Variants in NSUN4 observed in about 807,000 individuals in gnomAD.
NSUN4 encodes 5-cytosine rRNA methyltransferase NSUN4.
A neutral mutation model predicts 43.8 loss-of-function variants in NSUN4; 31 were observed. The observed-to-expected ratio is 0.71, with a 90% CI of 0.53 to 0.96. The LOEUF (loss-of-function observed/expected upper bound fraction) is 0.96. Ranked by LOEUF, NSUN4 falls within the 40% of genes least tolerant of loss-of-function variation. The probability of loss-of-function intolerance (pLI) is 0.00; values close to 1 mark genes in which losing one functional copy is unlikely to be tolerated. For synonymous variants in NSUN4, 167 were observed against 184.1 expected, an observed-to-expected ratio of 0.91 and a Z score of 0.75; for missense variants, 439 against 475.6, an observed-to-expected ratio of 0.92 and a Z score of 0.72.
chr1:46,370,542 GTCTTTT>G, the NSUN4 span: 1 of 114,758 alleles, frequency 8.7e-6, no homozygotes, highest in African/African-American at 3.6e-5. Context: ...CAGAGGTGCT[GTCTTTT>G]TTTTTTTTTT....
chr1:46,378,656 A>G, the NSUN4 span, among the ~76,000 whole-genome samples: 1 of 152,240 alleles, frequency 6.6e-6, no homozygotes, highest in Non-Finnish European at 1.5e-5. Context: ...TTTGTAATGA[A>G]CCAACCTTCA....
At chr1:46,348,190 A>G (rs1662664537) in intron 3 of NSUN4, among the ~76,000 whole-genome samples, 1 of 152,020 alleles carries the variant, frequency 6.6e-6, no homozygotes, top group Non-Finnish European at 1.5e-5. Flanking sequence ...CCTTGTGTCA[A>G]GTACTCACTT....
downstream of NSUN4, among the ~76,000 whole-genome samples, chr1:46,370,001 C>G (rs1474615904): frequency 1.3e-5 from 2 of 152,186 alleles, no homozygotes; most frequent in Non-Finnish European, 2.9e-5. Flanking sequence ...CTTAAGTTTA[C>G]TCAGCCTTAT....
rs756789890 is a variant in NSUN4 at position 46,360,757 on chromosome 1, GAAC to G, written c.812_814del (p.Asn271del). On this transcript the variant is annotated inframe_deletion, in exon 5 of 6. Transcript: ENST00000474844. ...ACCGCCACTCCCTTCATGAGGAGGA[GAAC>G]AACATCTTTAAGCGGTCAAGGAAGA... is the stretch of plus-strand genomic sequence containing the variant. 7.4e-5 allele frequency: 119 copies of G among 1,613,950 alleles called. No individual in the cohort carries two copies. The highest frequency in any genetic ancestry group is 1.1e-5 in the South Asian group (1 of 91,086).
At chr1:46,353,110 C>G in intron 4 of NSUN4, 82 bp downstream of exon 4, 1 of 1,319,872 alleles carries the variant, frequency 7.6e-7, no homozygotes, top group Non-Finnish European at 1.1e-6. Context: ...GGGTTAGGAT[C>G]CAGCCCCTAT....
In NSUN4 at chr1:46,362,956, G is replaced by C. The variant is rs1252420698; in HGVS notation, c.*1110G>C. On this transcript the variant is annotated 3_prime_UTR_variant, in exon 6 of 6. Transcript: ENST00000474844. ...TGGCAGGGATATAAAAAATTGCTCA[G>C]GGTCACTTGCAGATATTTTATTTTT... The C allele has an allele frequency of 6.6e-6, 1 of 151,832 alleles. No individual in the cohort carries two copies. Among genetic ancestry groups the C allele is most frequent in the Non-Finnish European group, 1.5e-5 (1 of 67,992 alleles). 9.4% of individuals were successfully genotyped at this position (151,832 alleles called of 1,614,324 possible).
rs1479083606 is a variant in NSUN4, at chr1:46,346,932, T to C, written c.449T>C (p.Leu150Pro). 3.7e-6 allele frequency: 6 copies of C among 1,613,364 alleles called. No individual in the cohort carries two copies. The African/African-American group carries it at 8.0e-5, about 22-fold the overall frequency. The change falls in exon 3 of 6, where the codon CTG becomes CCG. Residue 150 changes from leucine to proline, a missense_variant. Physicochemically the swap from Leu to Pro is moderately conservative, Grantham distance 98. Coordinates refer to ENST00000474844, the MANE Select transcript of NSUN4 (RefSeq NM_199044.4). ...CTCCTCTTTTCCAGACCTGGCAGCC[T>C]GGGTGTCATGGAGTACTACCTGATG... ...SRFPPARPGSLGVMEYYLMDA... is the reference protein window; with the variant it reads ...SRFPPARPGSPGVMEYYLMDA...
chr1:46,370,753 G>C, the NSUN4 span: 1 of 152,224 alleles, frequency 6.6e-6, no homozygotes, highest in Non-Finnish European at 1.5e-5. Flanking sequence ...ATGGGAATGA[G>C]TTTAAGCATT....
the NSUN4 span, among the ~76,000 whole-genome samples, chr1:46,378,441 C>T: frequency 6.6e-6 from 1 of 152,138 alleles, no homozygotes; most frequent in Non-Finnish European, 1.5e-5. Flanking sequence ...AAGTGATCCT[C>T]CCGCCTTGGC....
At chr1:46,341,746 C>T in intron 1 of NSUN4, 1 of 1,231,704 alleles carries the variant, frequency 8.1e-7, no homozygotes, top group African/African-American at 1.5e-5. Flanking sequence ...CACTCGGGTT[C>T]CCCACTCTCC....
chr1:46,356,226 A>G (rs1663357340), intron 4 of NSUN4, among the ~76,000 whole-genome samples: 1 of 152,040 alleles, frequency 6.6e-6, no homozygotes, highest in Non-Finnish European at 1.5e-5. Flanking sequence ...CATGTGCACC[A>G]TGCCTGGCTA....
At chr1:46,359,373 A>G (rs1663636096) in intron 4 of NSUN4, among the ~76,000 whole-genome samples, 1 of 151,716 alleles carries the variant, frequency 6.6e-6, no homozygotes, top group South Asian at 2.1e-4. Flanking sequence ...TGTGTCCTGT[A>G]GTAAGCTTTT....
rs1190689943 is a variant in NSUN4 at position 46,351,659 on chromosome 1, C to CTTTT, written c.593-1189_593-1186dup. Among the ~76,000 whole-genome samples the CTTTT allele has an allele frequency of 1.4e-3, 128 of 88,868 alleles. 3 individuals are homozygous for CTTTT. Among genetic ancestry groups the CTTTT allele is most frequent in the African/African-American group, 3.6e-3 (78 of 21,760 alleles). 58.3% of individuals were successfully genotyped at this position (88,868 alleles called of 152,430 possible). A position where few individuals can be genotyped will look rare whatever the true frequency, so the allele number is the denominator to read the frequency against. Reference sequence around the variant, plus strand: ...TGGGCAACATAGTGAGACCCAGTCTCTTTTTTTTTTTTTTTTTTTTTTTGA... The same window carrying CTTTT: ...TGGGCAACATAGTGAGACCCAGTCTCTTTTTTTTTTTTTTTTTTTTTTTTTTTGA... On this transcript the variant is annotated intron_variant, in intron 3 of 5. Transcript: ENST00000474844.
chr1:46,362,662 C>T lies in NSUN4; in HGVS notation c.*816C>T, dbSNP rs1181345856. 2 of 152,164 alleles carry T rather than the reference C, an allele frequency of 1.3e-5. No individual in the cohort carries two copies. Among genetic ancestry groups the T allele is most frequent in the East Asian group, 3.9e-4 (2 of 5,194 alleles). 9.4% of individuals were successfully genotyped at this position (152,164 alleles called of 1,614,324 possible). A position where few individuals can be genotyped will look rare whatever the true frequency, so the allele number is the denominator to read the frequency against. On this transcript the variant is annotated 3_prime_UTR_variant, in exon 6 of 6. Coordinates refer to ENST00000474844, the MANE Select transcript of NSUN4 (RefSeq NM_199044.4). ...GTGGGAGATTACTGGGCTTCCTCAT[C>T]CTTTAGAATGGTAACTCTCCTTTTG...
At chr1:46,371,580 A>G in the NSUN4 span, among the ~76,000 whole-genome samples, 2 of 152,096 alleles carry the variant, frequency 1.3e-5, no homozygotes, top group African/African-American at 4.8e-5. Flanking sequence ...TTCTGTGATT[A>G]TGGGCGTGAG....
chr1:46,345,247 A>T, intron 2 of NSUN4, 103 bp downstream of exon 2: 1 of 814,434 alleles, frequency 1.2e-6, no homozygotes, highest in Non-Finnish European at 1.9e-6. Context: ...TAATATTGCT[A>T]ATATTTATGG....
At chr1:46,384,577 C>T in the NSUN4 span, among the ~76,000 whole-genome samples, 2 of 152,160 alleles carry the variant, frequency 1.3e-5, no homozygotes, top group Non-Finnish European at 2.9e-5. Flanking sequence ...GAGTTGTTGG[C>T]TAACTATTGG....
downstream of NSUN4, among the ~76,000 whole-genome samples, chr1:46,368,600 C>T (rs529669788): frequency 6.6e-6 from 1 of 152,296 alleles, no homozygotes; most frequent in Admixed American, 6.5e-5. Flanking sequence ...CAAGACCAAC[C>T]TAAATCGCTG....
At chr1:46,375,845 G>A in the NSUN4 span, among the ~76,000 whole-genome samples, 3 of 151,480 alleles carry the variant, frequency 2.0e-5, no homozygotes, top group Admixed American at 6.6e-5. Context: ...GGTGGCTCAC[G>A]CCTGTAATCC....
Sources: gnomAD v4.1 joint callset for allele counts (sites outside exome capture counted in the v4.1 genomes callset) on GRCh38, gnomAD v4.1.1 for gene constraint, MANE v1.5 for transcripts, NCBI Gene and HGNC (gene_info 2026-07-23, HGNC 2026-07-21) for gene names.